CCDC148: variants seen among roughly 807,000 people sequenced by gnomAD.
The protein encoded by CCDC148 is coiled-coil domain containing 148.
Under a neutral mutation model 85.7 loss-of-function variants are expected in CCDC148, and 89 were observed. The ratio of observed to expected loss-of-function variants is 1.04; its 90% CI spans 0.87 to 1.24. CCDC148 has a LOEUF of 1.24. CCDC148 is among the 50% of genes most tolerant of loss of function. The pLI is 0.00. For missense variants in CCDC148, 692 were observed against 671.7 expected, an observed-to-expected ratio of 1.03 and a Z score of -0.33; for synonymous variants, 230 against 213.9, an observed-to-expected ratio of 1.08 and a Z score of -0.66.
intron 1 of CCDC148, among the ~76,000 whole-genome samples, chr2:158,443,313 A>G (rs995594578): frequency 3.9e-5 from 6 of 151,950 alleles, no homozygotes; most frequent in Admixed American, 3.3e-4. Context: ...TGGGCAATAT[A>G]GTGAGACCTC....
chr2:158,395,229 C>A (rs1685473850), intron 1 of CCDC148, among the ~76,000 whole-genome samples: 1 of 152,040 alleles, frequency 6.6e-6, no homozygotes, highest in South Asian at 2.1e-4. Flanking sequence ...AACTTCTGTG[C>A]CCACTCTTCT....
chr2:158,439,599 C>T (rs1687843367), intron 1 of CCDC148, among the ~76,000 whole-genome samples: 2 of 151,568 alleles, frequency 1.3e-5, no homozygotes, highest in Non-Finnish European at 2.9e-5. Context: ...ACGTTGTGCA[C>T]ATGTACCCTG....
chr2:158,366,050 G>C, intron 1 of CCDC148: 1 of 1,541,330 alleles, frequency 6.5e-7, no homozygotes, highest in Non-Finnish European at 8.8e-7. Flanking sequence ...ATGAATGGTT[G>C]GTCTCTTTGA....
chr2:158,309,423 A>T lies in CCDC148; in HGVS notation c.1110+10T>A, dbSNP rs557499124. 6.2e-7 allele frequency: 1 copy of T among 1,607,346 alleles called. No individual in the cohort carries two copies. The highest frequency in any genetic ancestry group is 1.7e-5 in the Admixed American group (1 of 59,754). ...CAGACAAATACTGAAACACCTGTGC[A>T]GCATCTTACCTTGGCTTTCAGATCA... On this transcript the variant is annotated intron_variant, in intron 9 of 13. Transcript: ENST00000283233.
chr2:158,382,050 A>G (rs1684894324), intron 1 of CCDC148, among the ~76,000 whole-genome samples: 1 of 152,120 alleles, frequency 6.6e-6, no homozygotes, highest in African/African-American at 2.4e-5. Context: ...TACAAAAGAA[A>G]TTGAAAAGTG....
chr2:158,349,393 A>G (rs1053643733), intron 2 of CCDC148, among the ~76,000 whole-genome samples: 11 of 152,046 alleles, frequency 7.2e-5, no homozygotes, highest in Admixed American at 1.3e-4. Flanking sequence ...AGAATGTGTT[A>G]GCTATGTAAT....
chr2:158,261,343 C>A (rs891280363), intron 9 of CCDC148, among the ~76,000 whole-genome samples: 23 of 152,134 alleles, frequency 1.5e-4, no homozygotes, highest in African/African-American at 5.3e-4. Flanking sequence ...TGGACCCCTT[C>A]CTTACATCAT....
chr2:158,454,563 A>C (rs1486612480), intron 1 of CCDC148, among the ~76,000 whole-genome samples: 1 of 152,234 alleles, frequency 6.6e-6, no homozygotes, highest in Non-Finnish European at 1.5e-5. Context: ...GTACGAGGCA[A>C]GATCATTTGC....
chr2:158,432,648 T>G (rs1292399828), intron 1 of CCDC148, among the ~76,000 whole-genome samples: 2 of 152,168 alleles, frequency 1.3e-5, no homozygotes, highest in Non-Finnish European at 2.9e-5. Context: ...CTGGCAAATT[T>G]TATCAATCTT....
intron 1 of CCDC148, among the ~76,000 whole-genome samples, chr2:158,373,831 C>T (rs10804393): frequency 0.93 from 140,985 of 152,090 alleles, 65,389 homozygotes; most frequent in East Asian, 0.98. Context: ...CATTATACTA[C>T]ATATTTATTA....
chr2:158,286,799 G>A (rs114496217), intron 9 of CCDC148, among the ~76,000 whole-genome samples: 1 of 152,106 alleles, frequency 6.6e-6, no homozygotes, highest in African/African-American at 2.4e-5. Flanking sequence ...AGTAATATTA[G>A]ACATTTACCT....
intron 3 of CCDC148, among the ~76,000 whole-genome samples, chr2:158,341,191 T>A (rs1682671210): frequency 1.3e-5 from 2 of 152,166 alleles, no homozygotes; most frequent in Non-Finnish European, 2.9e-5. Flanking sequence ...CATGAGCTTA[T>A]ATATGTATAC....
chr2:158,247,159 C>T (rs1574479990), intron 10 of CCDC148, among the ~76,000 whole-genome samples: 1 of 152,038 alleles, frequency 6.6e-6, no homozygotes, highest in East Asian at 1.9e-4. Flanking sequence ...AGAGCTTTTA[C>T]ATATTAATTT....
intron 5 of CCDC148, 138 bp downstream of exon 5, chr2:158,340,104 G>A (rs143567477): frequency 2.6e-4 from 160 of 607,898 alleles, no homozygotes; most frequent in African/African-American, 2.6e-3. Context: ...AGAATTAGCT[G>A]CCCTTCTATT....
At chr2:158,342,140 C>G (rs1198724454) in intron 3 of CCDC148, among the ~76,000 whole-genome samples, 1 of 149,758 alleles carries the variant, frequency 6.7e-6, no homozygotes, top group African/African-American at 2.5e-5. Flanking sequence ...AGCAATTCTC[C>G]TGCCTCAGCC....
chr2:158,241,440 G>A lies in CCDC148; in HGVS notation c.1251+9332C>T, dbSNP rs546945204. Among the ~76,000 whole-genome samples the A allele has an allele frequency of 3.9e-5, 6 of 152,158 alleles. No homozygotes were observed. The South Asian group carries it at 8.3e-4, about 21-fold the overall frequency. Reference sequence around the variant, plus strand: ...AAGAATTGTATATCAGTTTGTGGCCGAGCAGGTAAACACCTCCCTTTAAAC... The same window carrying A: ...AAGAATTGTATATCAGTTTGTGGCCAAGCAGGTAAACACCTCCCTTTAAAC... On this transcript the variant is annotated intron_variant, in intron 10 of 13. Transcript: ENST00000283233.
intron 1 of CCDC148, among the ~76,000 whole-genome samples, chr2:158,430,513 T>C (rs1687299497): frequency 6.6e-6 from 1 of 152,156 alleles, no homozygotes; most frequent in African/African-American, 2.4e-5. Flanking sequence ...TGGGTACAAA[T>C]ATACAATTAA....
chr2:158,178,835 T>TA, intron 12 of CCDC148, 44 bp downstream of exon 12: 1 of 1,359,994 alleles, frequency 7.4e-7, no homozygotes, highest in Non-Finnish European at 1.0e-6. Context: ...TAGAAACATT[T>TA]TTTTTAAAAA....
At chr2:158,336,890 C>T (rs1021210527) in intron 7 of CCDC148, among the ~76,000 whole-genome samples, 11 of 152,162 alleles carry the variant, frequency 7.2e-5, no homozygotes, top group African/African-American at 2.7e-4. Context: ...CTATGCTAAG[C>T]ATACCCCTTC....
Sources: gnomAD v4.1 joint callset for allele counts (sites outside exome capture counted in the v4.1 genomes callset) on GRCh38, gnomAD v4.1.1 for gene constraint, MANE v1.5 for transcripts, NCBI Gene and HGNC (gene_info 2026-07-23, HGNC 2026-07-21) for gene names.